TAOK3: variants seen among roughly 807,000 people sequenced by gnomAD.
TAOK3 encodes TAO kinase 3.
TAOK3 carries 40 observed loss-of-function variants against 120.4 expected under a neutral mutation model. The observed-to-expected ratio is 0.33, with a 90% CI of 0.26 to 0.43. TAOK3 has a LOEUF of 0.43. TAOK3 is among the 20% of genes least tolerant of loss of function. The probability of loss-of-function intolerance (pLI) is 1.00; values close to 1 mark genes in which losing one functional copy is unlikely to be tolerated. For synonymous variants in TAOK3, 355 were observed against 387.5 expected, an observed-to-expected ratio of 0.92 and a Z score of 0.99; for missense variants, 821 against 1,112.1, an observed-to-expected ratio of 0.74 and a Z score of 3.72.
rs2040098504 is a variant in TAOK3 at position 118,238,200 on chromosome 12, A to G, written c.341-31T>C. The G allele has an allele frequency of 3.7e-6, 5 of 1,341,150 alleles. No individual in the cohort carries two copies. The South Asian group carries it at 4.7e-5, about 13-fold the overall frequency. 83.1% of individuals were successfully genotyped at this position (1,341,150 alleles called of 1,614,324 possible). A position where few individuals can be genotyped will look rare whatever the true frequency, so the allele number is the denominator to read the frequency against. On this transcript the variant is annotated intron_variant, in intron 6 of 20. Transcript: ENST00000392533. The stretch of plus-strand genomic sequence containing the variant: ...GAAGGAAAAAAAAAAAAGTCAGTAG[A>G]TGATCAGTTTCATTCCTCATTTTAT...
At chr12:118,356,558 C>T (rs1263970307) in intron 1 of TAOK3, among the ~76,000 whole-genome samples, 1 of 151,824 alleles carries the variant, frequency 6.6e-6, no homozygotes, top group African/African-American at 2.4e-5. Flanking sequence ...CTTCGGCCTC[C>T]CAAAGTGCTG....
chr12:118,194,142 A>G (rs1278717053), intron 13 of TAOK3, among the ~76,000 whole-genome samples: 1 of 152,176 alleles, frequency 6.6e-6, no homozygotes, highest in African/African-American at 2.4e-5. Flanking sequence ...ACCTTTACAC[A>G]GCGGGGTGCG....
intron 1 of TAOK3, chr12:118,358,870 A>G (rs1171960516): frequency 1.3e-5 from 2 of 152,206 alleles, no homozygotes; most frequent in Non-Finnish European, 2.9e-5. Context: ...GACACAAACC[A>G]TATTTATAAT....
intron 1 of TAOK3, among the ~76,000 whole-genome samples, chr12:118,276,842 T>C (rs1426491005): frequency 6.6e-6 from 1 of 151,796 alleles, no homozygotes; most frequent in Non-Finnish European, 1.5e-5. Context: ...CCGTGTCTAC[T>C]AAAAATACAA....
chr12:118,208,866 C>T (rs1327493337), intron 11 of TAOK3, among the ~76,000 whole-genome samples: 4 of 152,104 alleles, frequency 2.6e-5, no homozygotes, highest in Admixed American at 2.6e-4. Flanking sequence ...CGCATGCCAC[C>T]ATGCCCAGCT....
intron 1 of TAOK3, among the ~76,000 whole-genome samples, chr12:118,361,929 A>AAT (rs539500574): frequency 2.3e-5 from 3 of 132,650 alleles, no homozygotes; most frequent in African/African-American, 9.5e-5. Context: ...ATAATAATAA[A>AAT]AAAACATGCT....
chr12:118,239,300 A>G, intron 5 of TAOK3, 28 bp from the exon 6 acceptor site: 6 of 1,357,232 alleles, frequency 4.4e-6, no homozygotes, highest in Non-Finnish European at 6.3e-6. Context: ...AATATTCAGA[A>G]TAATGAAAGT....
intron 1 of TAOK3, among the ~76,000 whole-genome samples, chr12:118,288,819 T>C (rs976774623): frequency 1.4e-5 from 2 of 142,302 alleles, no homozygotes; most frequent in Admixed American, 7.5e-5. Flanking sequence ...GGGAGGCTCA[T>C]ACAGGAGAAC....
chr12:118,217,911 A>G (rs2039017181), intron 9 of TAOK3, among the ~76,000 whole-genome samples: 1 of 122,430 alleles, frequency 8.2e-6, no homozygotes, highest in African/African-American at 3.1e-5. Flanking sequence ...ACCAGGGTGG[A>G]GTGCAGTGGC....
chr12:118,222,532 G>GA (rs201957813), intron 9 of TAOK3, among the ~76,000 whole-genome samples: 10,037 of 133,280 alleles, frequency 0.075, 544 homozygotes, highest in East Asian at 0.26. Context: ...ACTCCCTCTC[G>GA]AAAAAAAAAA....
chr12:118,222,811 C>G (rs940075726), intron 9 of TAOK3, among the ~76,000 whole-genome samples: 3 of 151,930 alleles, frequency 2.0e-5, no homozygotes, highest in Non-Finnish European at 4.4e-5. Flanking sequence ...TAAAAGACTA[C>G]GTATTGGGTA....
chr12:118,301,989 T>C (rs776041404), intron 1 of TAOK3, among the ~76,000 whole-genome samples: 4 of 152,192 alleles, frequency 2.6e-5, no homozygotes, highest in Non-Finnish European at 5.9e-5. Context: ...GCATTAATTG[T>C]GAAGAAAATT....
At chr12:118,362,143 G>A (rs1290408477) in intron 1 of TAOK3, among the ~76,000 whole-genome samples, 1 of 151,896 alleles carries the variant, frequency 6.6e-6, no homozygotes, top group Non-Finnish European at 1.5e-5. Flanking sequence ...CTAACTGCTA[G>A]GCACTGTTCT....
At chr12:118,344,672 TA>T (rs1038411428) in intron 1 of TAOK3, among the ~76,000 whole-genome samples, 6 of 151,816 alleles carry the variant, frequency 4.0e-5, no homozygotes, top group Admixed American at 1.3e-4. Flanking sequence ...TTTGCAGAAG[TA>T]AAAAAAATAA....
chr12:118,342,924 C>G (rs1366312179), intron 1 of TAOK3, among the ~76,000 whole-genome samples: 1 of 124,646 alleles, frequency 8.0e-6, no homozygotes, highest in African/African-American at 3.2e-5. Flanking sequence ...ACAGAGTAAG[C>G]CTCTGTCTGC....
intron 19 of TAOK3, among the ~76,000 whole-genome samples, chr12:118,154,776 G>T (rs987856915): frequency 6.6e-6 from 1 of 152,040 alleles, no homozygotes; most frequent in Non-Finnish European, 1.5e-5. Flanking sequence ...AGGTAAATAT[G>T]TCTGATCTTT....
intron 9 of TAOK3, among the ~76,000 whole-genome samples, chr12:118,231,838 G>A (rs983745599): frequency 2.0e-5 from 3 of 151,484 alleles, no homozygotes; most frequent in Non-Finnish European, 2.9e-5. Flanking sequence ...CAGGAGAATC[G>A]CTTGAACCCA....
At chr12:118,215,892 C>A (rs567295799) in intron 9 of TAOK3, among the ~76,000 whole-genome samples, 1 of 149,968 alleles carries the variant, frequency 6.7e-6, no homozygotes, top group Non-Finnish European at 1.5e-5. Flanking sequence ...CTAATTTAAA[C>A]AATTTTTTTT....
intron 9 of TAOK3, among the ~76,000 whole-genome samples, chr12:118,230,175 T>G (rs567565680): frequency 2.0e-5 from 3 of 152,260 alleles, no homozygotes; most frequent in Non-Finnish European, 4.4e-5. Flanking sequence ...AATCCAGTTT[T>G]AGTTTTATCA....
Sources: gnomAD v4.1 joint callset for allele counts (sites outside exome capture counted in the v4.1 genomes callset) on GRCh38, gnomAD v4.1.1 for gene constraint, MANE v1.5 for transcripts, NCBI Gene and HGNC (gene_info 2026-07-23, HGNC 2026-07-21) for gene names.